TRPM2: variants seen among roughly 807,000 people sequenced by gnomAD.
TRPM2 encodes estrogen-responsive element-associated gene 1 protein.
A neutral mutation model predicts 174.0 loss-of-function variants in TRPM2; 161 were observed. The observed-to-expected ratio is 0.93, with a 90% CI of 0.81 to 1.05. The LOEUF is 1.05. Ranked by LOEUF, TRPM2 falls within the 50% of genes least tolerant of loss-of-function variation. TRPM2 has a pLI of 0.00. For synonymous variants in TRPM2, 954 were observed against 861.3 expected (o/e 1.11, Z -1.88); for missense variants, 2,057 against 2,038.0 (o/e 1.01, Z -0.18).
intron 4 of TRPM2, among the ~76,000 whole-genome samples, chr21:44,368,374 T>TG (rs1158671232): frequency 6.6e-6 from 1 of 152,116 alleles, no homozygotes; most frequent in East Asian, 1.9e-4. Context: ...CCCAAAGTGC[T>TG]GGGATAACAG....
At chr21:44,397,930 A>G in intron 13 of TRPM2, 54 bp downstream of exon 13, 1 of 1,503,582 alleles carries the variant, frequency 6.7e-7, no homozygotes, top group Non-Finnish European at 8.9e-7. Context: ...GCATGCCCTC[A>G]CCTGGAGTTC....
chr21:44,353,918 G>A (rs1029530999), intron 1 of TRPM2, 53 bp downstream of exon 1: 44 of 1,568,600 alleles, frequency 2.8e-5, no homozygotes, highest in African/African-American at 4.2e-5. Context: ...GGAGGTCACC[G>A]TTGGGCAGGT....
At chr21:44,372,923 G>T (rs1192860735) in intron 5 of TRPM2, among the ~76,000 whole-genome samples, 1 of 152,126 alleles carries the variant, frequency 6.6e-6, no homozygotes, top group Admixed American at 6.5e-5. Context: ...GGAGTCTGAC[G>T]ACCTTTCATT....
chr21:44,395,542 C>A lies in TRPM2; in HGVS notation c.1923C>A (p.Ile641=). The change falls in exon 12 of 32, where the codon ATC becomes ATA. Residue 641 remains isoleucine (I), a synonymous_variant. Transcript: ENST00000397928. ...ACCGTCGGGAGCTGGCAGGAATCAT[C>A]TGGGCTCAGGTAATAAGACTGGCTT... ...VQNRRELAGI[I]WAQSQDCIAA... is the part of the protein sequence containing the mutation. 6.2e-7 allele frequency: 1 copy of A among 1,612,956 alleles called. No individual in the cohort carries two copies. Among genetic ancestry groups the A allele is most frequent in the African/African-American group, 1.3e-5 (1 of 75,042 alleles).
chr21:44,369,027 C>T (rs2048442364), intron 4 of TRPM2, 150 bp from the exon 5 acceptor site: 1 of 859,012 alleles, frequency 1.2e-6, no homozygotes, highest in South Asian at 2.2e-5. Flanking sequence ...GTTCCTTACA[C>T]CTGATGCTGG....
rs150904178 is a variant in TRPM2 at position 44,409,715 on chromosome 21, G to T, written c.2962+2950G>T. 4.7e-4 allele frequency among the ~76,000 whole-genome samples: 29 copies of T among 61,714 alleles called. 4 individuals are homozygous for T. The South Asian group carries it at 0.014, about 30-fold the overall frequency. The allele number at this position is 61,714 out of a possible 152,430, so 40.5% of individuals were successfully genotyped here. A position where few individuals can be genotyped will look rare whatever the true frequency, so the allele number is the denominator to read the frequency against. ...TTTTGACCACACTGTCTTGGTTGGC[G>T]TAGACTTGTAGTAAGTTTTGACCAC... On this transcript the variant is annotated intron_variant, in intron 19 of 31. Transcript: ENST00000397928.
chr21:44,366,992 A>C lies in TRPM2; in HGVS notation c.604+58A>C. On this transcript the variant is annotated intron_variant, in intron 4 of 31. Transcript: ENST00000397928. The surrounding 1 kb of genome is among the most constrained non-coding windows in gnomAD (Gnocchi z 6.0). ...GGCGGGTGGGGTGGGCTGTGGAGGC[A>C]GTGCTGGGGCAATCAGGGCCATCAG... 1 of 1,508,240 alleles carries C rather than the reference A, an allele frequency of 6.6e-7. No individual in the cohort carries two copies. Among genetic ancestry groups the C allele is most frequent in the Non-Finnish European group, 8.9e-7 (1 of 1,127,968 alleles). The allele number at this position is 1,508,240 out of a possible 1,614,324, so 93.4% of individuals were successfully genotyped here.
At chr21:44,413,397 C>A (rs1333354762) in intron 19 of TRPM2, among the ~76,000 whole-genome samples, 1 of 152,112 alleles carries the variant, frequency 6.6e-6, no homozygotes, top group East Asian at 1.9e-4. Flanking sequence ...CGCCCGCCAC[C>A]ATGCCTGGCT....
At chr21:44,361,237 G>C (rs964157449) in intron 2 of TRPM2, among the ~76,000 whole-genome samples, 10 of 151,988 alleles carry the variant, frequency 6.6e-5, no homozygotes, top group African/African-American at 2.4e-4. Flanking sequence ...CCGGCAACTG[G>C]GAGTAGCTGG....
intron 3 of TRPM2, among the ~76,000 whole-genome samples, chr21:44,364,539 G>A (rs2048304383): frequency 6.6e-6 from 1 of 152,184 alleles, no homozygotes; most frequent in Non-Finnish European, 1.5e-5. Flanking sequence ...GTGCAAGCTG[G>A]GAGTGGTGAG....
At chr21:44,371,922 CA>C (rs1488609171) in intron 5 of TRPM2, among the ~76,000 whole-genome samples, 4 of 152,100 alleles carry the variant, frequency 2.6e-5, no homozygotes, top group African/African-American at 9.7e-5. Flanking sequence ...CACTTGAGGA[CA>C]AAAGTTCAAG....
chr21:44,418,764 C>A (rs915449779), intron 22 of TRPM2, among the ~76,000 whole-genome samples: 2 of 152,114 alleles, frequency 1.3e-5, no homozygotes, highest in Non-Finnish European at 2.9e-5. Flanking sequence ...CTTAGGAAGG[C>A]TGGGCCCCAC....
intron 8 of TRPM2, among the ~76,000 whole-genome samples, 170 bp downstream of exon 8, chr21:44,379,367 G>A (rs1210080803): frequency 6.6e-6 from 1 of 152,232 alleles, no homozygotes; most frequent in Non-Finnish European, 1.5e-5. Flanking sequence ...CCTCCTGGCT[G>A]GGTTCCGGAG....
chr21:44,352,753 C>A (rs1399463688), upstream of TRPM2, among the ~76,000 whole-genome samples: 1 of 152,156 alleles, frequency 6.6e-6, no homozygotes, highest in African/African-American at 2.4e-5. Context: ...TTCTTGTGGC[C>A]TCGGTGATGA....
At chr21:44,428,635 G>C (rs1482702342) in intron 27 of TRPM2, among the ~76,000 whole-genome samples, 2 of 142,746 alleles carry the variant, frequency 1.4e-5, no homozygotes, top group East Asian at 4.2e-4. Flanking sequence ...CCCCTGAGGT[G>C]TGGCTCCTCC....
intron 19 of TRPM2, among the ~76,000 whole-genome samples, chr21:44,407,300 AT>A (rs1264792841): frequency 1.4e-5 from 2 of 147,658 alleles, no homozygotes; most frequent in Non-Finnish European, 3.0e-5. Context: ...TAATTTTTGT[AT>A]TTTTTGTAGA....
At position 44,391,095 on chromosome 21, in the gene TRPM2, C is replaced by T. The variant is rs1404148961; in HGVS notation, c.1440+70C>T. ...ATGCATTGCACCACTGAAGCAAGGG[C>T]AGGCAAAGTTCGCATTGTCTGGATC... On this transcript the variant is annotated intron_variant, in intron 10 of 31. Transcript: ENST00000397928. The surrounding 1 kb of genome is among the most constrained non-coding windows in gnomAD (Gnocchi z 5.0). 20 of 1,602,718 alleles carry T rather than the reference C, an allele frequency of 1.2e-5. No homozygotes were observed. The South Asian group carries it at 2.0e-4, about 16-fold the overall frequency.
intron 8 of TRPM2, 91 bp downstream of exon 8, chr21:44,379,288 A>C: frequency 2.8e-6 from 4 of 1,453,922 alleles, no homozygotes. Flanking sequence ...TCATGGACCG[A>C]TGCGGAGAAC....
chr21:44,422,265 C>A, intron 22 of TRPM2: 1 of 1,535,522 alleles, frequency 6.5e-7, no homozygotes, highest in Non-Finnish European at 8.7e-7. Flanking sequence ...GCTCCTCGCC[C>A]ACAGGGCAGG....
Sources: allele counts gnomAD v4.1 joint callset (sites outside exome capture counted in the v4.1 genomes callset), GRCh38; gene constraint gnomAD v4.1.1; non-coding constraint Gnocchi (gnomAD v3.1); transcripts MANE v1.5; gene names NCBI Gene and HGNC (gene_info 2026-07-23, HGNC 2026-07-21).